Variants in VDR observed in about 807,000 individuals in gnomAD.
VDR encodes vitamin D3 receptor.
Under a neutral mutation model 39.7 loss-of-function variants are expected in VDR, and 19 were observed. That is an observed-to-expected ratio of 0.48 (90% CI 0.33 to 0.70). The LOEUF (loss-of-function observed/expected upper bound fraction) is 0.70. Ranked by LOEUF, VDR falls within the 30% of genes least tolerant of loss-of-function variation. VDR has a pLI of 0.02. For synonymous variants in VDR, 242 were observed against 215.8 expected (o/e 1.12, Z -1.07); for missense variants, 442 against 570.5 (o/e 0.77, Z 2.29).
chr12:47,859,980 T>C (rs965246944), intron 4 of VDR, among the ~76,000 whole-genome samples: 2 of 148,326 alleles, frequency 1.3e-5, no homozygotes, highest in Non-Finnish European at 3.0e-5. Flanking sequence ...TCTTTCTTTC[T>C]TTCACAGACT....
intron 1 of VDR, among the ~76,000 whole-genome samples, chr12:47,884,111 C>G (rs1219159304): frequency 6.6e-6 from 1 of 152,176 alleles, no homozygotes; most frequent in East Asian, 1.9e-4. Flanking sequence ...ATTGATTCCT[C>G]AGGCTCCTTT....
intron 7 of VDR, among the ~76,000 whole-genome samples, chr12:47,849,161 G>A (rs541900059): frequency 1.3e-5 from 2 of 152,188 alleles, no homozygotes; most frequent in Middle Eastern, 3.4e-3. Flanking sequence ...CTGTCACCCC[G>A]TCAATGGCTG....
At chr12:47,889,173 C>G (rs964200508) in intron 1 of VDR, among the ~76,000 whole-genome samples, 1 of 152,014 alleles carries the variant, frequency 6.6e-6, no homozygotes, top group African/African-American at 2.4e-5. Flanking sequence ...TCAGTCTCCT[C>G]TGAGGTAATC....
Position 47,874,496 on chromosome 12 carries a change from G to A in VDR, c.146+4472C>T, listed in dbSNP as rs375259045. 2.6e-4 allele frequency among the ~76,000 whole-genome samples: 39 copies of A among 152,158 alleles called. No homozygotes were observed. In the East Asian group the frequency reaches 5.6e-3, roughly 22 times the overall value. On this transcript the variant is annotated intron_variant, in intron 3 of 9. Coordinates refer to ENST00000549336, the MANE Select transcript of VDR (RefSeq NM_000376.3). The stretch of plus-strand genomic sequence containing the variant: ...ACATTCCTCATCTTCCTGGATCCTC[G>A]CCAGCCTACCTTTTGCCCCCTGCAC...
intron 3 of VDR, among the ~76,000 whole-genome samples, chr12:47,866,059 C>A (rs1945728285): frequency 6.6e-6 from 1 of 151,810 alleles, no homozygotes; most frequent in African/African-American, 2.4e-5. Flanking sequence ...TGTTCCCCTT[C>A]CCATTTTAAA....
chr12:47,885,421 G>A (rs189369812), intron 1 of VDR, among the ~76,000 whole-genome samples: 10 of 152,356 alleles, frequency 6.6e-5, no homozygotes, highest in Admixed American at 1.3e-4. Flanking sequence ...CCCATCTTGC[G>A]GCAGCTTCTG....
At chr12:47,853,011 T>C (rs962806058) in intron 7 of VDR, among the ~76,000 whole-genome samples, 2 of 152,228 alleles carry the variant, frequency 1.3e-5, no homozygotes, top group African/African-American at 4.8e-5. Context: ...TTGAGATTGA[T>C]TTACTTCTCT....
At chr12:47,884,060 T>C (rs940176023) in intron 1 of VDR, among the ~76,000 whole-genome samples, 1 of 152,158 alleles carries the variant, frequency 6.6e-6, no homozygotes. Flanking sequence ...CCCAAGTCCT[T>C]CCCAGCTGAC....
intron 4 of VDR, among the ~76,000 whole-genome samples, chr12:47,860,161 T>G (rs976639814): frequency 6.6e-6 from 1 of 152,008 alleles, no homozygotes; most frequent in Non-Finnish European, 1.5e-5. Context: ...AGATGGGGTT[T>G]CACCATGTTG....
chr12:47,856,899 G>A (rs1217672264), intron 6 of VDR, among the ~76,000 whole-genome samples: 1 of 152,266 alleles, frequency 6.6e-6, no homozygotes, highest in African/African-American at 2.4e-5. Context: ...GGAGGCTGAT[G>A]CTACACAGCT....
At chr12:47,904,718 G>GACAT in intron 1 of VDR, 3 of 1,362,604 alleles carry the variant, frequency 2.2e-6, no homozygotes, top group Non-Finnish European at 3.0e-6. Context: ...TCTCCTAAGC[G>GACAT]CCGAGGATGT....
rs189650632 is a variant in VDR at position 47,899,968 on chromosome 12, T to C, written c.-84+4987A>G. 328 of 985,448 alleles carry C rather than the reference T, an allele frequency of 3.3e-4. 1 individual carries two copies. In the African/African-American group the frequency reaches 5.3e-3, roughly 16 times the overall value. The allele number at this position is 985,448 out of a possible 1,614,324, so 61.0% of individuals were successfully genotyped here. A position where few individuals can be genotyped will look rare whatever the true frequency, so the allele number is the denominator to read the frequency against. ...GCTAGGTTCAGGAGCCCTTAAGGGATAGCCAGGAGAGGGAAAAGGTAGGCA... is the reference window on the plus strand; with the variant it reads ...GCTAGGTTCAGGAGCCCTTAAGGGACAGCCAGGAGAGGGAAAAGGTAGGCA... On this transcript the variant is annotated intron_variant, in intron 1 of 9. Coordinates refer to ENST00000549336, the MANE Select transcript of VDR (RefSeq NM_000376.3).
intron 7 of VDR, among the ~76,000 whole-genome samples, chr12:47,855,413 G>T (rs2137141262): frequency 6.6e-6 from 1 of 151,628 alleles, no homozygotes; most frequent in Admixed American, 6.6e-5. Context: ...CCAGCTACTT[G>T]GGAGGTTGAG....
chr12:47,853,356 T>C (rs1476372365), intron 7 of VDR, among the ~76,000 whole-genome samples: 1 of 147,172 alleles, frequency 6.8e-6, no homozygotes, highest in Non-Finnish European at 1.5e-5. Context: ...GGCAGGAGAG[T>C]GGCGTGAACC....
At chr12:47,871,285 T>C (rs985712584) in intron 3 of VDR, among the ~76,000 whole-genome samples, 4 of 142,750 alleles carry the variant, frequency 2.8e-5, no homozygotes. Flanking sequence ...TCTCTTTCTT[T>C]CTCTTTCTCT....
chr12:47,861,894 A>G (rs1945632840), intron 4 of VDR, among the ~76,000 whole-genome samples: 1 of 152,260 alleles, frequency 6.6e-6, no homozygotes, highest in Admixed American at 6.5e-5. Flanking sequence ...AAGAACAACC[A>G]CAGGAAGAGG....
intron 6 of VDR, among the ~76,000 whole-genome samples, 164 bp from the exon 7 acceptor site, chr12:47,855,965 T>A (rs1246041826): frequency 6.6e-6 from 1 of 152,192 alleles, no homozygotes; most frequent in Non-Finnish European, 1.5e-5. Flanking sequence ...CCTCTGGGAC[T>A]CTCTCTGCCT....
intron 3 of VDR, among the ~76,000 whole-genome samples, chr12:47,867,811 T>C (rs1332304590): frequency 1.3e-5 from 2 of 152,224 alleles, no homozygotes; most frequent in Non-Finnish European, 2.9e-5. Context: ...TTAGGATTCT[T>C]GGTAAAACAT....
At chr12:47,879,194 C>T (rs1220275256) in intron 2 of VDR, 79 bp from the exon 3 acceptor site, 3 of 1,532,888 alleles carry the variant, frequency 2.0e-6, no homozygotes, top group Non-Finnish European at 1.8e-6. Context: ...GCCACCCACC[C>T]CCAGCCTCAT....
Sources: allele counts gnomAD v4.1 joint callset (sites outside exome capture counted in the v4.1 genomes callset), GRCh38; gene constraint gnomAD v4.1.1; transcripts MANE v1.5; gene names NCBI Gene and HGNC (gene_info 2026-07-23, HGNC 2026-07-21).